Variants in MYO1D observed in about 807,000 individuals in gnomAD.
MYO1D encodes the protein myosin ID.
Under a neutral mutation model 122.0 loss-of-function variants are expected in MYO1D, and 83 were observed. The observed-to-expected ratio is 0.68, with a 90% CI of 0.57 to 0.82. MYO1D has a LOEUF of 0.82. MYO1D is among the 40% of genes least tolerant of loss of function. MYO1D has a pLI of 0.00. For missense variants in MYO1D, 1,157 were observed against 1,269.5 expected, an observed-to-expected ratio of 0.91 and a Z score of 1.35; for synonymous variants, 464 against 446.9, an observed-to-expected ratio of 1.04 and a Z score of -0.48.
chr17:32,639,511 T>C (rs1040523129), intron 19 of MYO1D, among the ~76,000 whole-genome samples: 1 of 151,890 alleles, frequency 6.6e-6, no homozygotes, highest in Non-Finnish European at 1.5e-5. Context: ...TATAAGTAGT[T>C]AGCTACTTAG....
rs151164854 is a variant in MYO1D at position 32,671,750 on chromosome 17, A to C, written c.2122-12412T>G. Reference sequence around the variant, plus strand: ...TCTGTGCTAATTTAAAAAACTGGAAACATGTTTAATGGATGCTAAGTTAAT... The same window carrying C: ...TCTGTGCTAATTTAAAAAACTGGAACCATGTTTAATGGATGCTAAGTTAAT... On this transcript the variant is annotated intron_variant, in intron 16 of 21. Transcript: ENST00000318217. 4.3e-3 allele frequency among the ~76,000 whole-genome samples: 650 copies of C among 152,318 alleles called. 5 individuals are homozygous for C. Among genetic ancestry groups the C allele is most frequent in the African/African-American group, 0.014 (594 of 41,556 alleles).
chr17:32,787,957 T>A (rs2090314509), intron 1 of MYO1D, among the ~76,000 whole-genome samples: 1 of 152,236 alleles, frequency 6.6e-6, no homozygotes, highest in Non-Finnish European at 1.5e-5. Flanking sequence ...TAGTATTCCA[T>A]GGTGTATCTA....
intron 21 of MYO1D, chr17:32,518,525 T>G (rs1204295078): frequency 6.6e-6 from 1 of 152,254 alleles, no homozygotes; most frequent in Non-Finnish European, 1.5e-5. Flanking sequence ...TATTCACAGG[T>G]CCCAAAGCAT....
chr17:32,550,896 G>C (rs902872477), intron 21 of MYO1D, among the ~76,000 whole-genome samples: 1 of 152,026 alleles, frequency 6.6e-6, no homozygotes, highest in African/African-American at 2.4e-5. Context: ...GATCACTTGA[G>C]CCTGGAAGGT....
intron 19 of MYO1D, among the ~76,000 whole-genome samples, chr17:32,639,231 A>G (rs532380561): frequency 1.3e-5 from 2 of 152,326 alleles, no homozygotes; most frequent in East Asian, 3.9e-4. Flanking sequence ...AAGAAATAAT[A>G]TGAAGCCCTT....
At chr17:32,620,406 C>G (rs1407454474) in intron 20 of MYO1D, among the ~76,000 whole-genome samples, 4 of 152,204 alleles carry the variant, frequency 2.6e-5, no homozygotes, top group African/African-American at 9.7e-5. Flanking sequence ...TCAAAGGATT[C>G]TGTTTTGCTA....
intron 20 of MYO1D, among the ~76,000 whole-genome samples, chr17:32,622,406 G>A (rs750483028): frequency 3.3e-5 from 5 of 152,028 alleles, no homozygotes; most frequent in African/African-American, 1.2e-4. Flanking sequence ...GAGAGTCCCC[G>A]ACCCTTCTCC....
chr17:32,675,049 A>G (rs2088786449), intron 16 of MYO1D, among the ~76,000 whole-genome samples: 3 of 152,234 alleles, frequency 2.0e-5, no homozygotes, highest in African/African-American at 2.4e-5. Context: ...TTTCAACAGT[A>G]CAAGTTTACA....
At chr17:32,865,967 T>C (rs976370465) in intron 1 of MYO1D, among the ~76,000 whole-genome samples, 2 of 152,256 alleles carry the variant, frequency 1.3e-5, no homozygotes, top group African/African-American at 4.8e-5. Flanking sequence ...AATAAGAATG[T>C]TGAAAACCAT....
intron 1 of MYO1D, among the ~76,000 whole-genome samples, chr17:32,839,478 T>C (rs1598145314): frequency 6.6e-6 from 1 of 152,180 alleles, no homozygotes; most frequent in East Asian, 1.9e-4. Flanking sequence ...AGTAATTGCG[T>C]GTGGCTTTAA....
intron 19 of MYO1D, among the ~76,000 whole-genome samples, chr17:32,653,534 A>G (rs928137424): frequency 2.7e-5 from 4 of 149,304 alleles, no homozygotes; most frequent in South Asian, 4.2e-4. Context: ...TGAACCTGGG[A>G]AGCGGAGGTT....
chr17:32,844,413 G>GAA, intron 1 of MYO1D, among the ~76,000 whole-genome samples: 1 of 146,132 alleles, frequency 6.8e-6, no homozygotes, highest in East Asian at 2.0e-4. Flanking sequence ...GTATATATGT[G>GAA]TATATATACT....
At chr17:32,559,531 T>C (rs1309892521) in intron 21 of MYO1D, among the ~76,000 whole-genome samples, 1 of 152,236 alleles carries the variant, frequency 6.6e-6, no homozygotes, top group Non-Finnish European at 1.5e-5. Flanking sequence ...GCTGCTTCTG[T>C]AGTTTACTTC....
chr17:32,839,028 A>G (rs2090853158), intron 1 of MYO1D, among the ~76,000 whole-genome samples: 1 of 152,238 alleles, frequency 6.6e-6, no homozygotes, highest in African/African-American at 2.4e-5. Context: ...ATTGCTATTC[A>G]GCCATGTTTC....
chr17:32,786,833 C>T (rs990814159), intron 1 of MYO1D, among the ~76,000 whole-genome samples: 5 of 151,516 alleles, frequency 3.3e-5, no homozygotes, highest in South Asian at 2.1e-4. Flanking sequence ...AGAAAAAAGA[C>T]GGTCAGTTGA....
rs1012709979 is a variant in MYO1D at position 32,568,254 on chromosome 17, A to C, written c.2864+36833T>G. ...TTCTGAAAATTACTGAGAACTTAAA[A>C]GACATTCAGAACATCTATGCAACTT... On this transcript the variant is annotated intron_variant, in intron 21 of 21. Coordinates refer to ENST00000318217, the MANE Select transcript of MYO1D (RefSeq NM_015194.3). 9.9e-5 allele frequency among the ~76,000 whole-genome samples: 15 copies of C among 151,894 alleles called. 1 individual carries two copies. The highest frequency in any genetic ancestry group is 8.5e-4 in the Admixed American group (13 of 15,240).
intron 8 of MYO1D, among the ~76,000 whole-genome samples, chr17:32,762,943 T>C (rs1307173281): frequency 6.6e-6 from 1 of 151,140 alleles, no homozygotes; most frequent in African/African-American, 2.4e-5. Flanking sequence ...TCCCAGCACT[T>C]TGGGAGGCCG....
At chr17:32,630,389 C>T (rs1315673197) in intron 20 of MYO1D, among the ~76,000 whole-genome samples, 2 of 152,106 alleles carry the variant, frequency 1.3e-5, no homozygotes, top group Admixed American at 1.3e-4. Context: ...GATGATTGCA[C>T]AACTGCATAA....
rs1409920576 is a variant in MYO1D, at chr17:32,585,692, T to TGCACTCCA, written c.2864+19387_2864+19394dup. Among the ~76,000 whole-genome samples, 4 of 147,268 alleles carry TGCACTCCA rather than the reference T, an allele frequency of 2.7e-5. No homozygotes were observed. In the East Asian group the frequency reaches 6.0e-4, roughly 22 times the overall value. On this transcript the variant is annotated intron_variant, in intron 21 of 21. Coordinates refer to ENST00000318217, the MANE Select transcript of MYO1D (RefSeq NM_015194.3). ...TTGCAGTGAGCTGAGATCGCGCCAC[T>TGCACTCCA]GCACTCCAGCACTCCAGTCTGGGCA...
Sources: gnomAD v4.1 joint callset for allele counts (sites outside exome capture counted in the v4.1 genomes callset) on GRCh38, gnomAD v4.1.1 for gene constraint, MANE v1.5 for transcripts, NCBI Gene and HGNC (gene_info 2026-07-23, HGNC 2026-07-21) for gene names.